The following DLGAP1 variants were observed in gnomAD, a reference collection of about 807,000 sequenced individuals.
DLGAP1 encodes disks large-associated protein 1.
A neutral mutation model predicts 90.8 loss-of-function variants in DLGAP1; 11 were observed. The observed-to-expected ratio is 0.12, with a 90% CI of 0.08 to 0.20. The LOEUF is 0.20. Ranked by LOEUF, DLGAP1 falls within the 10% of genes least tolerant of loss-of-function variation. The probability of loss-of-function intolerance (pLI) is 1.00; values close to 1 mark genes in which losing one functional copy is unlikely to be tolerated. For missense variants in DLGAP1, 1,050 were observed against 1,333.8 expected (o/e 0.79, Z 3.31); for synonymous variants, 558 against 540.7 (o/e 1.03, Z -0.44).
intron 6 of DLGAP1, among the ~76,000 whole-genome samples, chr18:3,730,296 A>ATTGT (rs67104762): frequency 0.99 from 150,984 of 152,316 alleles, 74,829 homozygotes; most frequent in Middle Eastern, 1. Flanking sequence ...AGATTCATAA[A>ATTGT]TTATTAATGT....
intron 1 of DLGAP1, among the ~76,000 whole-genome samples, chr18:4,198,589 T>G (rs2077546168): frequency 6.6e-6 from 1 of 152,200 alleles, no homozygotes; most frequent in Admixed American, 6.5e-5. Context: ...AACTTTTTAA[T>G]CTCGAAAATG....
At chr18:3,656,816 G>A (rs1055107105) in intron 7 of DLGAP1, among the ~76,000 whole-genome samples, 4 of 151,622 alleles carry the variant, frequency 2.6e-5, no homozygotes, top group Non-Finnish European at 4.4e-5. Context: ...CTTGGATCTC[G>A]GCTCACTGCA....
chr18:3,596,874 T>C (rs1230077349), intron 7 of DLGAP1: 2 of 520,090 alleles, frequency 3.8e-6, no homozygotes, highest in Non-Finnish European at 7.7e-6. Flanking sequence ...TCGTGTTTGA[T>C]GTTGGCCAAT....
intron 5 of DLGAP1, among the ~76,000 whole-genome samples, chr18:3,805,593 T>C (rs148804198): frequency 2.3e-4 from 35 of 152,312 alleles, no homozygotes; most frequent in Middle Eastern, 3.4e-3. Context: ...AGAAGTGATA[T>C]ATTTAGGGAG....
At chr18:3,776,597 T>A (rs1038210134) in intron 5 of DLGAP1, among the ~76,000 whole-genome samples, 3 of 152,168 alleles carry the variant, frequency 2.0e-5, no homozygotes, top group African/African-American at 2.4e-5. Flanking sequence ...AAAGTGAAGA[T>A]GCTTTTTCTC....
chr18:4,258,319 C>T (rs904556471), intron 1 of DLGAP1, among the ~76,000 whole-genome samples: 1 of 151,964 alleles, frequency 6.6e-6, no homozygotes, highest in Admixed American at 6.5e-5. Flanking sequence ...GCTGAGATAA[C>T]AGGCTTGAGC....
At chr18:3,502,675 T>C (rs1195411081) in intron 11 of DLGAP1, 30 bp from the exon 12 acceptor site, 2 of 1,589,304 alleles carry the variant, frequency 1.3e-6, no homozygotes, top group African/African-American at 2.7e-5. Flanking sequence ...ACATTCATGC[T>C]TTAGAAGCAA....
chr18:3,656,929 G>A (rs2059509704), intron 7 of DLGAP1, among the ~76,000 whole-genome samples: 1 of 151,978 alleles, frequency 6.6e-6, no homozygotes, highest in Non-Finnish European at 1.5e-5. Context: ...TGTATTTTTA[G>A]TAGAAACATG....
chr18:3,992,067 T>C (rs557923133), intron 3 of DLGAP1, among the ~76,000 whole-genome samples: 1 of 152,320 alleles, frequency 6.6e-6, no homozygotes, highest in South Asian at 2.1e-4. Context: ...TAAGACAGTA[T>C]GTGCAGAAAA....
At chr18:3,858,829 A>G (rs888480038) in intron 4 of DLGAP1, among the ~76,000 whole-genome samples, 2 of 152,198 alleles carry the variant, frequency 1.3e-5, no homozygotes, top group Non-Finnish European at 2.9e-5. Flanking sequence ...ACCATCTCAC[A>G]AGAAAGGAAC....
chr18:3,751,575 T>C lies in DLGAP1; in HGVS notation c.1173-9063A>G, dbSNP rs1469542421. Among the ~76,000 whole-genome samples, 3 of 151,554 alleles carry C rather than the reference T, an allele frequency of 2.0e-5. No homozygotes were observed. In the East Asian group the frequency reaches 5.8e-4, roughly 29 times the overall value. ...CCGACAAAATTTTTTTTTTTTTTTT[T>C]TGAGACGGAGTCTCACTCTGTCACC... On this transcript the variant is annotated intron_variant, in intron 5 of 12. Transcript: ENST00000315677.
chr18:4,182,975 C>A (rs944114830), intron 1 of DLGAP1, among the ~76,000 whole-genome samples: 1 of 152,120 alleles, frequency 6.6e-6, no homozygotes, highest in Admixed American at 6.6e-5. Context: ...TAAGGGTAAT[C>A]ATAGCTGGGC....
At chr18:3,722,497 G>A (rs2147361887) in intron 7 of DLGAP1, 1 of 152,282 alleles carries the variant, frequency 6.6e-6, no homozygotes, top group African/African-American at 2.4e-5. Flanking sequence ...GGAGTAGGTT[G>A]TGTCATAAAT....
rs994698516 is a variant in DLGAP1, at chr18:4,089,916, G to A, written c.-159+61264C>T. On this transcript the variant is annotated intron_variant, in intron 2 of 12. Transcript: ENST00000315677. ...AAAAATTAGCCAGGTGCGGTGGCGGGCTCCTGTGGTCTCAGCTACTCAGGA... is the reference window on the plus strand; with the variant it reads ...AAAAATTAGCCAGGTGCGGTGGCGGACTCCTGTGGTCTCAGCTACTCAGGA... Among the ~76,000 whole-genome samples the A allele has an allele frequency of 2.6e-5, 4 of 152,146 alleles. No individual in the cohort carries two copies. The East Asian group carries it at 7.7e-4, about 29-fold the overall frequency.
intron 7 of DLGAP1, among the ~76,000 whole-genome samples, chr18:3,647,590 C>T (rs766306707): frequency 3.3e-5 from 5 of 151,780 alleles, no homozygotes; most frequent in Admixed American, 1.3e-4. Context: ...CTTAGCCTCC[C>T]GAGTACCTGG....
At chr18:3,512,377 C>T (rs1473697484) in intron 10 of DLGAP1, among the ~76,000 whole-genome samples, 1 of 152,152 alleles carries the variant, frequency 6.6e-6, no homozygotes, top group Admixed American at 6.5e-5. Flanking sequence ...ATCTGTCCCT[C>T]AGTGGAAGTA....
At chr18:4,374,947 T>C (rs1034902927) in intron 1 of DLGAP1, among the ~76,000 whole-genome samples, 3 of 152,118 alleles carry the variant, frequency 2.0e-5, no homozygotes, top group African/African-American at 4.8e-5. Flanking sequence ...ACTATATTAA[T>C]AGAAAAACTG....
intron 4 of DLGAP1, among the ~76,000 whole-genome samples, chr18:3,868,166 A>G (rs1409353147): frequency 2.6e-5 from 4 of 152,188 alleles, no homozygotes; most frequent in Admixed American, 2.6e-4. Flanking sequence ...AAGAGGTGGG[A>G]GAACAGGAAA....
intron 1 of DLGAP1, among the ~76,000 whole-genome samples, chr18:4,307,019 C>A (rs890453252): frequency 6.6e-6 from 1 of 152,114 alleles, no homozygotes; most frequent in African/African-American, 2.4e-5. Flanking sequence ...ACAAGAAACA[C>A]AAATAAAAAC....
Sources: gnomAD v4.1 joint callset for allele counts (sites outside exome capture counted in the v4.1 genomes callset) on GRCh38, gnomAD v4.1.1 for gene constraint, MANE v1.5 for transcripts, NCBI Gene and HGNC (gene_info 2026-07-23, HGNC 2026-07-21) for gene names.